The following WWOX variants were observed in gnomAD, a reference collection of about 807,000 sequenced individuals.
WWOX encodes the protein WW domain containing oxidoreductase.
WWOX carries 69 observed loss-of-function variants against 46.2 expected under a neutral mutation model. The observed-to-expected ratio is 1.49, with a 90% CI of 1.23 to 1.82. The LOEUF is 1.82. WWOX is among the 40% of genes most tolerant of loss of function. The probability of loss-of-function intolerance (pLI) is 0.00; values close to 1 mark genes in which losing one functional copy is unlikely to be tolerated. For missense variants in WWOX, 919 were observed against 542.6 expected, an observed-to-expected ratio of 1.69 and a Z score of -6.89; for synonymous variants, 359 against 202.6, an observed-to-expected ratio of 1.77 and a Z score of -6.56.
intron 8 of WWOX, among the ~76,000 whole-genome samples, chr16:78,684,267 G>C (rs762336424): frequency 3.9e-5 from 6 of 152,168 alleles, no homozygotes; most frequent in Non-Finnish European, 8.8e-5. Flanking sequence ...ATGTATGATT[G>C]GACCTGCGGT....
chr16:78,870,948 G>A (rs1022594759), intron 8 of WWOX, among the ~76,000 whole-genome samples: 1 of 152,102 alleles, frequency 6.6e-6, no homozygotes, highest in African/African-American at 2.4e-5. Flanking sequence ...CCTGATTCTG[G>A]TTTACCACAA....
chr16:78,312,852 G>A (rs556201103), intron 5 of WWOX, among the ~76,000 whole-genome samples: 31 of 152,322 alleles, frequency 2.0e-4, no homozygotes, highest in African/African-American at 7.0e-4. Flanking sequence ...TAAGTGGTCA[G>A]CCTCCGAGGT....
chr16:79,139,500 G>C (rs554934870), intron 8 of WWOX, among the ~76,000 whole-genome samples: 3 of 152,266 alleles, frequency 2.0e-5, no homozygotes, highest in Admixed American at 2.0e-4. Context: ...AAAAAGATTT[G>C]TCCATCATTT....
At chr16:78,155,431 C>G (rs1356604026) in intron 4 of WWOX, among the ~76,000 whole-genome samples, 1 of 152,140 alleles carries the variant, frequency 6.6e-6, no homozygotes, top group Non-Finnish European at 1.5e-5. Context: ...TTACTTTGCA[C>G]CTTTTCCATT....
At chr16:78,534,765 A>C (rs1441820149) in intron 8 of WWOX, among the ~76,000 whole-genome samples, 1 of 151,672 alleles carries the variant, frequency 6.6e-6, no homozygotes, top group African/African-American at 2.4e-5. Context: ...GCTGGAGTGC[A>C]GTGGCACAAT....
At chr16:78,564,547 A>G (rs941884030) in intron 8 of WWOX, among the ~76,000 whole-genome samples, 3 of 152,204 alleles carry the variant, frequency 2.0e-5, no homozygotes, top group African/African-American at 7.2e-5. Context: ...ACACACAGAG[A>G]ACCCAGGAGA....
intron 5 of WWOX, among the ~76,000 whole-genome samples, chr16:78,379,451 A>G (rs899064041): frequency 6.6e-6 from 1 of 151,992 alleles, no homozygotes; most frequent in African/African-American, 2.4e-5. Context: ...GGCTTCTTCC[A>G]CCTCCAGCCA....
At chr16:78,914,440 C>T (rs533788384) in intron 8 of WWOX, among the ~76,000 whole-genome samples, 1 of 151,974 alleles carries the variant, frequency 6.6e-6, no homozygotes, top group South Asian at 2.1e-4. Context: ...GAACGCTGTA[C>T]TTTGAAACAG....
chr16:78,136,910 C>G (rs116933435), intron 4 of WWOX, among the ~76,000 whole-genome samples: 1,789 of 152,224 alleles, frequency 0.012, 15 homozygotes, highest in Non-Finnish European at 0.019. Context: ...CAGACCTTCG[C>G]AGAGGGCAGA....
At chr16:78,120,222 C>T (rs563227261) in intron 4 of WWOX, among the ~76,000 whole-genome samples, 21 of 152,222 alleles carry the variant, frequency 1.4e-4, no homozygotes, top group African/African-American at 4.3e-4. Context: ...ATAAAAAGTA[C>T]GTGCTCAAGG....
chr16:78,984,106 C>T (rs2046737854), intron 8 of WWOX, among the ~76,000 whole-genome samples: 1 of 152,072 alleles, frequency 6.6e-6, no homozygotes, highest in Admixed American at 6.5e-5. Flanking sequence ...TCTCGATCTC[C>T]TGACCTCGTG....
intron 8 of WWOX, among the ~76,000 whole-genome samples, chr16:78,640,460 C>T (rs1429169394): frequency 6.6e-6 from 1 of 152,010 alleles, no homozygotes. Flanking sequence ...ACCTCCCAGG[C>T]TCCTGCCATT....
At chr16:78,832,966 C>T (rs1448956586) in intron 8 of WWOX, among the ~76,000 whole-genome samples, 3 of 151,824 alleles carry the variant, frequency 2.0e-5, no homozygotes, top group Non-Finnish European at 4.4e-5. Flanking sequence ...TGCTATGTCC[C>T]CATTGGTGTT....
chr16:78,524,424 A>ATTTG lies in WWOX; in HGVS notation c.1056+91675_1056+91676insGTTT, dbSNP rs1247917726. Among the ~76,000 whole-genome samples, 147 of 147,398 alleles carry ATTTG rather than the reference A, an allele frequency of 1.0e-3. 1 individual carries two copies. Among genetic ancestry groups the ATTTG allele is most frequent in the Middle Eastern group, 3.5e-3 (1 of 288 alleles). ...TATTTATTTGTTTATTTATTTATTT[A>ATTTG]TTTATTTGTTTGTTTGAGATGAGTC... On this transcript the variant is annotated intron_variant, in intron 8 of 8. Coordinates refer to ENST00000566780, the MANE Select transcript of WWOX (RefSeq NM_016373.4).
chr16:78,360,743 A>C (rs1259691907), intron 5 of WWOX, among the ~76,000 whole-genome samples: 1 of 152,000 alleles, frequency 6.6e-6, no homozygotes, highest in East Asian at 1.9e-4. Flanking sequence ...TTCACCACTA[A>C]AGCAGTGTCA....
chr16:78,505,863 G>C (rs1282944387), intron 8 of WWOX, among the ~76,000 whole-genome samples: 1 of 152,192 alleles, frequency 6.6e-6, no homozygotes, highest in Non-Finnish European at 1.5e-5. Context: ...GGACTCCAGG[G>C]CCATGGAGGA....
At chr16:78,621,409 C>A (rs1479120618) in intron 8 of WWOX, among the ~76,000 whole-genome samples, 2 of 151,838 alleles carry the variant, frequency 1.3e-5, no homozygotes, top group Non-Finnish European at 2.9e-5. Flanking sequence ...TCACCTCTCC[C>A]CTGGTAACTG....
intron 8 of WWOX, among the ~76,000 whole-genome samples, chr16:78,706,676 T>A (rs1043512913): frequency 6.6e-6 from 1 of 152,222 alleles, no homozygotes; most frequent in African/African-American, 2.4e-5. Context: ...AAAGGCTCTT[T>A]CAGCTGCTCT....
At chr16:78,621,319 A>C (rs1017430161) in intron 8 of WWOX, among the ~76,000 whole-genome samples, 1 of 152,018 alleles carries the variant, frequency 6.6e-6, no homozygotes, top group Non-Finnish European at 1.5e-5. Flanking sequence ...GCCCCCTTCT[A>C]ACCCCCTACT....
Sources: allele counts gnomAD v4.1 joint callset (sites outside exome capture counted in the v4.1 genomes callset), GRCh38; gene constraint gnomAD v4.1.1; transcripts MANE v1.5; gene names NCBI Gene and HGNC (gene_info 2026-07-23, HGNC 2026-07-21).